RASGEF1C: variants seen among roughly 807,000 people sequenced by gnomAD.
RASGEF1C encodes ras-GEF domain-containing family member 1C.
Under a neutral mutation model 58.1 loss-of-function variants are expected in RASGEF1C, and 27 were observed. That is an observed-to-expected ratio of 0.46 (90% CI 0.34 to 0.64). The LOEUF (loss-of-function observed/expected upper bound fraction) is 0.64. RASGEF1C is among the 30% of genes least tolerant of loss of function. The pLI is 0.01. For missense variants in RASGEF1C, 502 were observed against 605.1 expected (o/e 0.83, Z 1.79); for synonymous variants, 243 against 246.3 (o/e 0.99, Z 0.13).
At chr5:180,204,738 A>G (rs1756460896) in intron 1 of RASGEF1C, among the ~76,000 whole-genome samples, 1 of 152,142 alleles carries the variant, frequency 6.6e-6, no homozygotes, top group Admixed American at 6.5e-5. Flanking sequence ...TACTAAGGTC[A>G]GGAACAAGGT....
intron 1 of RASGEF1C, among the ~76,000 whole-genome samples, chr5:180,145,546 A>G (rs1384854216): frequency 1.3e-5 from 2 of 152,172 alleles, no homozygotes; most frequent in Non-Finnish European, 2.9e-5. Context: ...GTGGTATCTC[A>G]TTGTGGTTTG....
chr5:180,157,734 A>T (rs1766874535), intron 1 of RASGEF1C, among the ~76,000 whole-genome samples: 1 of 152,202 alleles, frequency 6.6e-6, no homozygotes, highest in African/African-American at 2.4e-5. Context: ...AGACTGCATG[A>T]TTCCAACTAG....
chr5:180,207,798 C>A (rs1164689283), intron 1 of RASGEF1C, among the ~76,000 whole-genome samples: 1 of 152,268 alleles, frequency 6.6e-6, no homozygotes, highest in South Asian at 2.1e-4. Flanking sequence ...CCGCGCTGTT[C>A]CCCCGGGCTA....
chr5:180,136,708 G>T, intron 3 of RASGEF1C, 193 bp from the exon 4 acceptor site: 3 of 605,708 alleles, frequency 5.0e-6, no homozygotes, highest in Non-Finnish European at 2.9e-6. Context: ...ACATTTCTGG[G>T]CAGGGCCATC....
chr5:180,128,283 G>C, intron 5 of RASGEF1C, 127 bp downstream of exon 5: 1 of 895,650 alleles, frequency 1.1e-6, no homozygotes, highest in East Asian at 2.4e-5. Context: ...CCCAGTGCAT[G>C]CTCGAGGCTA....
At chr5:180,169,579 G>C (rs1581117566) in intron 1 of RASGEF1C, among the ~76,000 whole-genome samples, 1 of 149,530 alleles carries the variant, frequency 6.7e-6, no homozygotes, top group East Asian at 2.0e-4. Context: ...GGGAGAGGGG[G>C]CTGGGGGACG....
At chr5:180,196,662 T>C (rs373307814) in intron 1 of RASGEF1C, among the ~76,000 whole-genome samples, 1 of 152,220 alleles carries the variant, frequency 6.6e-6, no homozygotes, top group African/African-American at 2.4e-5. Context: ...AATCCCTTGC[T>C]ATCTGCTATC....
chr5:180,125,899 G>A (rs1766248964), intron 6 of RASGEF1C, among the ~76,000 whole-genome samples: 3 of 152,140 alleles, frequency 2.0e-5, no homozygotes, highest in African/African-American at 7.2e-5. Context: ...GGGATCCTGA[G>A]CCTTTTGAGA....
chr5:180,101,014 T>G lies in RASGEF1C; in HGVS notation c.*487A>C. 2 of 156,482 alleles carry G rather than the reference T, an allele frequency of 1.3e-5. No individual in the cohort carries two copies. Among genetic ancestry groups the G allele is most frequent in the South Asian group, 2.0e-4 (1 of 4,938 alleles). 9.7% of individuals were successfully genotyped at this position (156,482 alleles called of 1,614,324 possible). On this transcript the variant is annotated 3_prime_UTR_variant, in exon 14 of 14. Coordinates refer to ENST00000361132, the MANE Select transcript of RASGEF1C (RefSeq NM_175062.4). ...GCAGGGCAGGGTGAGGGACCATGGG[T>G]GGAATGGCAGTGGCTGCCAGTGGGC...
chr5:180,166,937 A>T (rs1402021941), intron 1 of RASGEF1C, among the ~76,000 whole-genome samples: 1 of 152,146 alleles, frequency 6.6e-6, no homozygotes, highest in Non-Finnish European at 1.5e-5. Flanking sequence ...CATTTGAACC[A>T]TTCTTCCCTT....
chr5:180,114,383 G>T, intron 11 of RASGEF1C, 63 bp downstream of exon 11: 2 of 1,511,386 alleles, frequency 1.3e-6, no homozygotes, highest in Non-Finnish European at 1.8e-6. Flanking sequence ...AGGGCCAGTG[G>T]TCCTGCCCTG....
intron 12 of RASGEF1C, among the ~76,000 whole-genome samples, chr5:180,108,922 C>T (rs1765911376): frequency 6.6e-6 from 1 of 152,184 alleles, no homozygotes; most frequent in Admixed American, 6.5e-5. Flanking sequence ...ATGGAAGATG[C>T]CCCTCTCTAA....
intron 1 of RASGEF1C, among the ~76,000 whole-genome samples, chr5:180,159,287 GCA>G (rs895811765): frequency 2.6e-5 from 4 of 151,794 alleles, no homozygotes; most frequent in African/African-American, 7.3e-5. Context: ...GTACAGGCGT[GCA>G]CCACCACGCC....
intron 1 of RASGEF1C, among the ~76,000 whole-genome samples, chr5:180,208,681 C>G (rs1756537534): frequency 6.6e-6 from 1 of 152,112 alleles, no homozygotes; most frequent in Admixed American, 6.5e-5. Flanking sequence ...AAACTGAGGT[C>G]CGGTGCGGGT....
At chr5:180,138,291 T>C (rs1479478391) in intron 1 of RASGEF1C, 1 of 395,582 alleles carries the variant, frequency 2.5e-6, no homozygotes, top group East Asian at 3.8e-5. Flanking sequence ...GCAGGACCCA[T>C]CTCTTGTCTA....
rs949814431 is a variant in RASGEF1C, at chr5:180,132,820, T to C, written c.438+3558A>G. 3.9e-5 allele frequency among the ~76,000 whole-genome samples: 6 copies of C among 151,956 alleles called. No individual in the cohort carries two copies. The East Asian group carries it at 9.7e-4, about 25-fold the overall frequency. ...CCTGTCTCTACTAAAAACACAAAAA[T>C]TAGCTGGGCGTGGTGGCGCACGCCT... On this transcript the variant is annotated intron_variant, in intron 4 of 13. Transcript: ENST00000361132.
rs1180713617 is a variant in RASGEF1C, at chr5:180,156,507, C to T, written c.-6-18449G>A. 6.6e-6 allele frequency among the ~76,000 whole-genome samples: 1 copy of T among 152,198 alleles called. No individual in the cohort carries two copies. Among genetic ancestry groups the T allele is most frequent in the Non-Finnish European group, 1.5e-5 (1 of 68,040 alleles). On this transcript the variant is annotated intron_variant, in intron 1 of 13. Coordinates refer to ENST00000361132, the MANE Select transcript of RASGEF1C (RefSeq NM_175062.4). This position sits in a 1 kb window ranked among gnomAD's most constrained non-coding sequence, Gnocchi z 4.9. The stretch of plus-strand genomic sequence containing the variant: ...ATAAAGGGCCAGGCATGGTGGCTCA[C>T]ACCTGTAATCCTAGCACTTTGGGAA...
At chr5:180,149,088 C>CTTTTTTTTTTTTTT (rs61204210) in intron 1 of RASGEF1C, among the ~76,000 whole-genome samples, 19 of 110,122 alleles carry the variant, frequency 1.7e-4, no homozygotes, top group East Asian at 5.3e-4. Flanking sequence ...CTTTTTTTTT[C>CTTTTTTTTTTTTTT]TTTTTTTTTT....
intron 1 of RASGEF1C, among the ~76,000 whole-genome samples, chr5:180,196,768 G>T (rs1756287121): frequency 6.6e-6 from 1 of 152,086 alleles, no homozygotes; most frequent in African/African-American, 2.4e-5. Flanking sequence ...TGGTCATGCT[G>T]GCGGGCAATC....
Sources: allele counts gnomAD v4.1 joint callset (sites outside exome capture counted in the v4.1 genomes callset), GRCh38; gene constraint gnomAD v4.1.1; non-coding constraint Gnocchi (gnomAD v3.1); transcripts MANE v1.5; gene names NCBI Gene and HGNC (gene_info 2026-07-23, HGNC 2026-07-21).